The following NF1 variants were observed in gnomAD, a reference collection of about 807,000 sequenced individuals.
NF1 encodes neurofibromin 1.
Under a neutral mutation model 325.7 loss-of-function variants are expected in NF1, and 122 were observed. The ratio of observed to expected loss-of-function variants is 0.37; its 90% CI spans 0.32 to 0.44. NF1 has a LOEUF of 0.44. Ranked by LOEUF, NF1 falls within the 20% of genes least tolerant of loss-of-function variation. NF1 has a pLI of 1.00. For synonymous variants in NF1, 1,091 were observed against 1,186.0 expected, an observed-to-expected ratio of 0.92 and a Z score of 1.65; for missense variants, 2,140 against 3,415.4, an observed-to-expected ratio of 0.63 and a Z score of 9.31.
chr17:31,107,152 A>T (rs1912929578), intron 1 of NF1, among the ~76,000 whole-genome samples: 1 of 151,720 alleles, frequency 6.6e-6, no homozygotes, highest in Non-Finnish European at 1.5e-5. Context: ...GGTGCCTTCT[A>T]TTCCTGTCCC....
intron 2 of NF1, among the ~76,000 whole-genome samples, chr17:31,156,777 C>T (rs2143632528): frequency 6.6e-6 from 1 of 152,168 alleles, no homozygotes; most frequent in East Asian, 1.9e-4. Flanking sequence ...CAGAGTACTC[C>T]AGCTGTCCTC....
chr17:31,168,874 C>T (rs1375208167), intron 4 of NF1, among the ~76,000 whole-genome samples: 1 of 152,148 alleles, frequency 6.6e-6, no homozygotes, highest in African/African-American at 2.4e-5. Flanking sequence ...GAAACGTTTT[C>T]TATTCTGTCA....
intron 35 of NF1, among the ~76,000 whole-genome samples, chr17:31,263,906 G>A (rs1001281897): frequency 1.3e-5 from 2 of 151,950 alleles, no homozygotes; most frequent in African/African-American, 2.4e-5. Flanking sequence ...TTCACTTAAC[G>A]TTTGGTGAAT....
intron 1 of NF1, 57 bp downstream of exon 1, chr17:31,095,426 G>C: frequency 6.8e-7 from 1 of 1,478,950 alleles, no homozygotes; most frequent in South Asian, 1.2e-5. Flanking sequence ...GGACAGAGTA[G>C]GTGAGGGGAG....
chr17:31,103,020 A>G (rs1490588746), intron 1 of NF1, among the ~76,000 whole-genome samples: 1 of 150,526 alleles, frequency 6.6e-6, no homozygotes, highest in Non-Finnish European at 1.5e-5. Flanking sequence ...TAATTTTTGT[A>G]TTTTTAAAAG....
chr17:31,116,741 C>T (rs905954603), intron 1 of NF1, among the ~76,000 whole-genome samples: 1 of 152,086 alleles, frequency 6.6e-6, no homozygotes, highest in Admixed American at 6.5e-5. Context: ...CATCTCCGCT[C>T]ACTGCAAGCT....
At chr17:31,197,185 C>T (rs2143855895) in intron 8 of NF1, among the ~76,000 whole-genome samples, 1 of 151,984 alleles carries the variant, frequency 6.6e-6, no homozygotes, top group East Asian at 1.9e-4. Flanking sequence ...TCTGGGACTA[C>T]AGGGACCCGC....
Position 31,095,360 on chromosome 17 carries a change from C to T in NF1, c.51C>T (p.Phe17=), listed in dbSNP as rs1369290988. The change falls in exon 1 of 58, where the codon TTC becomes TTT. Residue 17 remains phenylalanine, a synonymous_variant. Coordinates refer to ENST00000358273, the MANE Select transcript of NF1 (RefSeq NM_001042492.3). Reference sequence around the variant, plus strand: ...GGGTCCAGGCCGTGGTCAGCCGCTTCGACGAGCAGGTAACCGGCCCGTGGC... The same window carrying T: ...GGGTCCAGGCCGTGGTCAGCCGCTTTGACGAGCAGGTAACCGGCCCGTGGC... The part of the protein sequence containing the change: ...VEWVQAVVSR[F]DEQLPIKTGQ... 1 of 1,539,732 alleles carries T rather than the reference C, an allele frequency of 6.5e-7. No homozygotes were observed. Among genetic ancestry groups the T allele is most frequent in the South Asian group, 1.2e-5 (1 of 83,926 alleles).
chr17:31,223,293 C>A, intron 15 of NF1, 151 bp from the exon 16 acceptor site: 1 of 895,382 alleles, frequency 1.1e-6, no homozygotes, highest in South Asian at 1.5e-5. Flanking sequence ...ATGCTATTGA[C>A]ACTTTGATAA....
rs550235728 is a variant in NF1, at chr17:31,344,834, A to C, written c.7189+1699A>C. Among the ~76,000 whole-genome samples the C allele has an allele frequency of 4.6e-5, 7 of 152,330 alleles. No individual in the cohort carries two copies. In the East Asian group the frequency reaches 9.6e-4, roughly 21 times the overall value. On this transcript the variant is annotated intron_variant, in intron 48 of 57. Coordinates refer to ENST00000358273, the MANE Select transcript of NF1 (RefSeq NM_001042492.3). ...ATGCCTGTAATCCCAACACTTTGGG[A>C]GGCTGAGGCAGGTGGATTGCTTGAG...
chr17:31,218,213 C>A (rs981585380), intron 13 of NF1, among the ~76,000 whole-genome samples: 1 of 152,078 alleles, frequency 6.6e-6, no homozygotes, highest in South Asian at 2.1e-4. Context: ...CCAGTAAGTT[C>A]CAAACCAGAG....
At chr17:31,244,608 T>G (rs1032288949) in intron 29 of NF1, among the ~76,000 whole-genome samples, 1 of 152,140 alleles carries the variant, frequency 6.6e-6, no homozygotes, top group African/African-American at 2.4e-5. Context: ...TTAGTCCTAA[T>G]GCAAAGTCCC....
chr17:31,151,905 TA>T (rs1424638048), intron 1 of NF1, among the ~76,000 whole-genome samples: 1 of 152,164 alleles, frequency 6.6e-6, no homozygotes, highest in Non-Finnish European at 1.5e-5. Flanking sequence ...AATTATACTT[TA>T]AGTTCTAGGG....
chr17:31,222,461 G>A, intron 15 of NF1: 1 of 1,031,644 alleles, frequency 9.7e-7, no homozygotes, highest in Non-Finnish European at 1.2e-6. Context: ...CCACACGGAG[G>A]AAAATGTAAA....
At chr17:31,258,989 CAATA>C in intron 32 of NF1, 39 bp from the exon 33 acceptor site, 1 of 1,298,760 alleles carries the variant, frequency 7.7e-7, no homozygotes, top group South Asian at 1.3e-5. Flanking sequence ...AGACTTCATA[CAATA>C]AATAATCTGA....
At chr17:31,254,357 A>G (rs1227780939) in intron 31 of NF1, 1 of 151,730 alleles carries the variant, frequency 6.6e-6, no homozygotes, top group Non-Finnish European at 1.5e-5. Context: ...AGCTTTAAAT[A>G]TAGATTTTTA....
At chr17:31,254,536 C>A (rs1276907901) in intron 31 of NF1, among the ~76,000 whole-genome samples, 2 of 152,038 alleles carry the variant, frequency 1.3e-5, no homozygotes, top group Non-Finnish European at 2.9e-5. Context: ...GTGAGTTTAA[C>A]ATAATGTACA....
intron 34 of NF1, 135 bp downstream of exon 34, chr17:31,260,650 C>G (rs1337108594): frequency 8.7e-7 from 1 of 1,154,644 alleles, no homozygotes; most frequent in African/African-American, 1.5e-5. Flanking sequence ...GAGAAAGATT[C>G]TTTTTTTCAA....
At chr17:31,124,893 G>A (rs1032501657) in intron 1 of NF1, among the ~76,000 whole-genome samples, 2 of 151,022 alleles carry the variant, frequency 1.3e-5, no homozygotes, top group African/African-American at 4.9e-5. Context: ...GAGCCACCGT[G>A]CCTGGCCTTG....
Sources: gnomAD v4.1 joint callset for allele counts (sites outside exome capture counted in the v4.1 genomes callset) on GRCh38, gnomAD v4.1.1 for gene constraint, MANE v1.5 for transcripts, NCBI Gene and HGNC (gene_info 2026-07-23, HGNC 2026-07-21) for gene names.